TENM3: variants seen among roughly 807,000 people sequenced by gnomAD.
TENM3 encodes teneurin-3.
In TENM3, 63 loss-of-function variants were observed where a neutral mutation model predicts 255.1. The ratio of observed to expected loss-of-function variants is 0.25; its 90% confidence interval spans 0.20 to 0.30. The LOEUF (loss-of-function observed/expected upper bound fraction) is 0.30, where lower values mean the gene tolerates loss of function less well. Among genes scored for constraint, TENM3 ranks in the 10% least tolerant of loss-of-function variants. The pLI is 1.00. For synonymous variants in TENM3, 1,306 were observed against 1,322.3 expected (o/e 0.99, Z 0.27); for missense variants, 2,929 against 3,461.1 (o/e 0.85, Z 3.86).
chr4:182,758,893 C>G (rs531157225), intron 22 of TENM3, among the ~76,000 whole-genome samples: 47 of 152,184 alleles, frequency 3.1e-4, no homozygotes, highest in Non-Finnish European at 5.6e-4. Flanking sequence ...ACAAATACCT[C>G]GCACAGAAAA....
At chr4:182,406,962 G>A (rs371006398) in intron 3 of TENM3, among the ~76,000 whole-genome samples, 68 of 152,286 alleles carry the variant, frequency 4.5e-4, no homozygotes, top group African/African-American at 1.6e-3. Flanking sequence ...TGTAAGGCGG[G>A]AAACTAAAGA....
chr4:182,514,546 A>C (rs1444969798), intron 3 of TENM3, among the ~76,000 whole-genome samples: 1 of 152,176 alleles, frequency 6.6e-6, no homozygotes, highest in Non-Finnish European at 1.5e-5. Context: ...CAACAAGTCC[A>C]TTTTACATCC....
chr4:182,246,991 C>G (rs939141708), intron 1 of TENM3, among the ~76,000 whole-genome samples: 81 of 152,282 alleles, frequency 5.3e-4, no homozygotes, highest in African/African-American at 1.9e-3. Flanking sequence ...CACATCGAAG[C>G]TCTCAGGATG....
rs1561153279 is a variant in TENM3 at position 182,161,773 on chromosome 4, A to ATATACACATATATG, written c.-76+17023_-76+17024insCACATATATGTATA. Reference sequence around the variant, plus strand: ...TATATATATACATATATATGTGTATATATATATACACAAATATATGTATAT... The same window carrying ATATACACATATATG: ...TATATATATACATATATATGTGTATATATACACATATATGTATATATACACAAATATATGTATAT... On this transcript the variant is annotated intron_variant, in intron 1 of 2. Transcript: ENST00000512480. 1.8e-3 allele frequency among the ~76,000 whole-genome samples: 90 copies of ATATACACATATATG among 48,830 alleles called. 12 individuals are homozygous for ATATACACATATATG. Among genetic ancestry groups the ATATACACATATATG allele is most frequent in the Non-Finnish European group, 2.5e-3 (70 of 27,484 alleles). The allele number at this position is 48,830 out of a possible 152,430, so 32.0% of individuals were successfully genotyped here.
In TENM3 at chr4:182,673,169, G is replaced by A; in HGVS notation, c.1276G>A (p.Ala426Thr). 1 of 1,613,838 alleles carries A rather than the reference G, an allele frequency of 6.2e-7. No homozygotes were observed. The change falls in exon 7 of 28, where the codon GCA becomes ACA. Residue 426 changes from alanine to threonine, a missense_variant. Physicochemically the swap from Ala to Thr is moderately conservative, Grantham distance 58. This residue lies in a region of TENM3 where 1,608 missense variants were observed against 1,884.4 expected (regional missense o/e 0.85). Transcript: ENST00000511685. ...LKFNISLQKD[A>T]LIGVYGRKGL... is the part of the protein sequence containing the mutation. ...ATTCAATATCTCTCTTCAGAAGGAT[G>A]CATTGATTGGAGTATATGGCCGGAA...
the TENM3 span, among the ~76,000 whole-genome samples, chr4:182,055,349 CAATAAATA>C: frequency 2.7e-4 from 40 of 148,900 alleles, no homozygotes; most frequent in African/African-American, 9.3e-4. Flanking sequence ...TGTCTCAAAA[CAATAAATA>C]AATAAATAAA....
chr4:181,765,732 A>T, the TENM3 span, among the ~76,000 whole-genome samples: 1 of 152,210 alleles, frequency 6.6e-6, no homozygotes, highest in Non-Finnish European at 1.5e-5. Context: ...ATGTGGAATT[A>T]TGTTCTGATT....
the TENM3 span, among the ~76,000 whole-genome samples, chr4:181,532,785 T>C: frequency 1.3e-5 from 2 of 152,220 alleles, no homozygotes; most frequent in Non-Finnish European, 2.9e-5. Context: ...CTATATAGTT[T>C]TTTGAGTACT....
intron 1 of TENM3, among the ~76,000 whole-genome samples, chr4:182,214,542 A>C (rs934238476): frequency 7.2e-6 from 1 of 138,490 alleles, no homozygotes; most frequent in African/African-American, 2.7e-5. Context: ...TTATTTATTT[A>C]TTTTTAGGGA....
chr4:182,010,956 A>T, the TENM3 span, among the ~76,000 whole-genome samples: 2 of 152,100 alleles, frequency 1.3e-5, no homozygotes, highest in South Asian at 4.1e-4. Flanking sequence ...ATTCTCTTCA[A>T]TTTCCCTCTA....
intron 3 of TENM3, among the ~76,000 whole-genome samples, chr4:182,574,241 ACC>A: frequency 6.6e-6 from 1 of 152,220 alleles, no homozygotes. Flanking sequence ...CAAATTGAAT[ACC>A]GTAGCGTGTG....
chr4:182,605,437 C>T (rs1748316588), intron 4 of TENM3, among the ~76,000 whole-genome samples: 1 of 148,604 alleles, frequency 6.7e-6, no homozygotes, highest in African/African-American at 2.5e-5. Context: ...AAAATTGGAC[C>T]TGGGCCAATG....
chr4:182,147,649 G>C (rs1441719662), intron 1 of TENM3, among the ~76,000 whole-genome samples: 8 of 152,152 alleles, frequency 5.3e-5, no homozygotes, highest in Admixed American at 5.2e-4. Context: ...TTGATAGTCA[G>C]ATATCCGTTT....
intron 4 of TENM3, among the ~76,000 whole-genome samples, chr4:182,621,646 A>G (rs1750174824): frequency 2.6e-5 from 1 of 37,792 alleles, no homozygotes; most frequent in Non-Finnish European, 6.4e-5. Flanking sequence ...TATATAATAC[A>G]TATTATAATA....
intron 3 of TENM3, among the ~76,000 whole-genome samples, chr4:182,465,435 A>C (rs1429478909): frequency 6.6e-6 from 1 of 152,128 alleles, no homozygotes; most frequent in African/African-American, 2.4e-5. Flanking sequence ...TGAATGAGGA[A>C]ACATGCCTTA....
At chr4:182,320,029 C>T (rs563222195) in intron 1 of TENM3, among the ~76,000 whole-genome samples, 1 of 152,130 alleles carries the variant, frequency 6.6e-6, no homozygotes, top group South Asian at 2.1e-4. Context: ...GGGAGAATCG[C>T]TTGAACAAGG....
Position 182,476,434 on chromosome 4 carries a change from T to C in TENM3, c.512-124490T>C, listed in dbSNP as rs186283942. Among the ~76,000 whole-genome samples the C allele has an allele frequency of 2.0e-3, 308 of 152,298 alleles. 1 individual carries two copies. Among genetic ancestry groups the C allele is most frequent in the Non-Finnish European group, 3.7e-3 (253 of 68,020 alleles). ...TGATTTCTGTGATGCTGGAGAAATG[T>C]ATATTTTTATTGTCAATGTTTTGAA... On this transcript the variant is annotated intron_variant, in intron 3 of 27. Transcript: ENST00000511685.
At chr4:182,704,241 A>C (rs949803021) in intron 12 of TENM3, among the ~76,000 whole-genome samples, 1 of 152,222 alleles carries the variant, frequency 6.6e-6, no homozygotes, top group African/African-American at 2.4e-5. Flanking sequence ...TCCCACATGC[A>C]AAGGCTACCA....
the TENM3 span, among the ~76,000 whole-genome samples, chr4:181,514,839 T>C: frequency 1.3e-5 from 2 of 152,188 alleles, no homozygotes; most frequent in Non-Finnish European, 2.9e-5. Context: ...GGCTGAAGAA[T>C]GGATATCGAA....
Sources: gnomAD v4.1 joint callset for allele counts (sites outside exome capture counted in the v4.1 genomes callset) on GRCh38, gnomAD v4.1.1 for gene constraint, gnomAD v4.1.1 regional missense constraint, MANE v1.5 for transcripts, NCBI Gene and HGNC (gene_info 2026-07-23, HGNC 2026-07-21) for gene names.